TOM1L1: variants seen among roughly 807,000 people sequenced by gnomAD.
The protein encoded by TOM1L1 is TOM1-like protein 1.
In TOM1L1, 64 loss-of-function variants were observed where a neutral mutation model predicts 63.4. The ratio of observed to expected loss-of-function variants is 1.01; its 90% CI spans 0.83 to 1.24. TOM1L1 has a LOEUF of 1.24. TOM1L1 is among the 50% of genes most tolerant of loss of function. The pLI is 0.00. For synonymous variants in TOM1L1, 166 were observed against 194.4 expected, an observed-to-expected ratio of 0.85 and a Z score of 1.22; for missense variants, 536 against 567.0, an observed-to-expected ratio of 0.95 and a Z score of 0.55.
At chr17:54,922,564 T>G (rs1246222331) in intron 7 of TOM1L1, among the ~76,000 whole-genome samples, 2 of 152,092 alleles carry the variant, frequency 1.3e-5, no homozygotes, top group Non-Finnish European at 2.9e-5. Context: ...GATTGCACCA[T>G]TGTTGGGCAA....
chr17:54,923,151 G>T (rs184904429), intron 7 of TOM1L1, among the ~76,000 whole-genome samples: 1 of 152,226 alleles, frequency 6.6e-6, no homozygotes, highest in Admixed American at 6.5e-5. Flanking sequence ...AGACATTTAG[G>T]TTGTTTCCAC....
At chr17:54,936,134 A>G (rs1304559281) in intron 8 of TOM1L1, among the ~76,000 whole-genome samples, 4 of 152,158 alleles carry the variant, frequency 2.6e-5, no homozygotes, top group Non-Finnish European at 5.9e-5. Flanking sequence ...AAAAAAAAAA[A>G]AACCACAGTG....
chr17:54,915,675 C>T, intron 6 of TOM1L1, 71 bp from the exon 7 acceptor site: 2 of 1,057,396 alleles, frequency 1.9e-6, no homozygotes, highest in South Asian at 2.6e-5. Flanking sequence ...GCAAATGTCC[C>T]ATGGGGGCAG....
chr17:54,931,757 C>G (rs555040688), intron 8 of TOM1L1, among the ~76,000 whole-genome samples: 1 of 150,892 alleles, frequency 6.6e-6, no homozygotes, highest in Non-Finnish European at 1.5e-5. Context: ...GATCCAAGAT[C>G]GTGCCACTGC....
Position 54,952,781 on chromosome 17 carries a change from T to C in TOM1L1, c.1370+2655T>C, listed in dbSNP as rs1218030437. 2.0e-5 allele frequency: 3 copies of C among 152,396 alleles called. No individual in the cohort carries two copies. In the East Asian group the frequency reaches 5.8e-4, roughly 29 times the overall value. The allele number at this position is 152,396 out of a possible 1,614,324, so 9.4% of individuals were successfully genotyped here. A position where few individuals can be genotyped will look rare whatever the true frequency, so the allele number is the denominator to read the frequency against. ...AAGGAGTCATATGAGGCCCCAAGTCTGGAACTTCCCCAGGAACTAGGGCCA... is the reference window on the plus strand; with the variant it reads ...AAGGAGTCATATGAGGCCCCAAGTCCGGAACTTCCCCAGGAACTAGGGCCA... On this transcript the variant is annotated intron_variant, in intron 14 of 15. Coordinates refer to ENST00000575882, the MANE Select transcript of TOM1L1 (RefSeq NM_005486.3).
intron 8 of TOM1L1, among the ~76,000 whole-genome samples, chr17:54,932,613 G>A (rs2048882115): frequency 6.6e-6 from 1 of 152,048 alleles, no homozygotes; most frequent in South Asian, 2.1e-4. Flanking sequence ...TAGAAACGGG[G>A]TTTCACCATG....
intron 14 of TOM1L1, among the ~76,000 whole-genome samples, chr17:54,951,412 C>A (rs910720052): frequency 6.6e-6 from 1 of 152,148 alleles, no homozygotes; most frequent in African/African-American, 2.4e-5. Context: ...AGCATTCCTT[C>A]CCCCAGGGTA....
In TOM1L1 at chr17:54,930,188, C is replaced by T. The variant is rs1167767034; in HGVS notation, c.836C>T (p.Ala279Val). The T allele has an allele frequency of 6.2e-7, 1 of 1,614,102 alleles. No individual in the cohort carries two copies. The highest frequency in any genetic ancestry group is 8.5e-7 in the Non-Finnish European group (1 of 1,179,980). ...CAGGTGAATGAGGATTTGAATAATGCTATCCTTGGATATGAGAGGTGAGCA... is the reference window on the plus strand; with the variant it reads ...CAGGTGAATGAGGATTTGAATAATGTTATCCTTGGATATGAGAGGTGAGCA... ...LIQVNEDLNN[A>V]ILGYERFTRN... Residue 279 changes from alanine to valine, a missense_variant, in exon 8 of 16, where the codon GCT becomes GTT. By Grantham distance (64) the Ala-to-Val change is moderately conservative. Transcript: ENST00000575882.
Position 54,936,642 on chromosome 17 carries a change from T to G in TOM1L1, c.855-7T>G. ...TAAAAACACATGCATTTTGATCATT[T>G]AAACAGGTTTACTAGAAACCAACAA... On this transcript the variant is annotated splice_region_variant and splice_polypyrimidine_tract_variant and intron_variant, in intron 8 of 15. Coordinates refer to ENST00000575882, the MANE Select transcript of TOM1L1 (RefSeq NM_005486.3). The G allele has an allele frequency of 6.3e-7, 1 of 1,595,172 alleles. No homozygotes were observed. Among genetic ancestry groups the G allele is most frequent in the Non-Finnish European group, 8.5e-7 (1 of 1,175,252 alleles).
At chr17:54,940,121 C>G (rs2049012271) in intron 11 of TOM1L1, among the ~76,000 whole-genome samples, 1 of 152,142 alleles carries the variant, frequency 6.6e-6, no homozygotes, top group Non-Finnish European at 1.5e-5. Flanking sequence ...GTCTCAAACA[C>G]CTGGGCTCAA....
chr17:54,947,855 A>G (rs981206526), intron 12 of TOM1L1, among the ~76,000 whole-genome samples: 3 of 151,994 alleles, frequency 2.0e-5, no homozygotes, highest in African/African-American at 7.3e-5. Flanking sequence ...TAACCATTCA[A>G]TTTTTGACAA....
intron 9 of TOM1L1, 73 bp downstream of exon 9, chr17:54,936,782 T>C: frequency 7.5e-7 from 1 of 1,335,316 alleles, no homozygotes; most frequent in East Asian, 2.3e-5. Flanking sequence ...AAGGCTTACC[T>C]AAAACAAGTC....
At chr17:54,901,223 G>T (rs1247035270) in intron 1 of TOM1L1, 1 of 450,756 alleles carries the variant, frequency 2.2e-6, no homozygotes, top group Non-Finnish European at 4.0e-6. Context: ...GGGCCTCCAC[G>T]AGGAGACACC....
chr17:54,907,033 A>G (rs1044535123), intron 3 of TOM1L1, among the ~76,000 whole-genome samples: 1 of 152,224 alleles, frequency 6.6e-6, no homozygotes, highest in African/African-American at 2.4e-5. Context: ...GAAAATGGAC[A>G]TCTTGCATAG....
chr17:54,901,110 A>T, intron 1 of TOM1L1, 187 bp downstream of exon 1: 1 of 750,698 alleles, frequency 1.3e-6, no homozygotes, highest in Non-Finnish European at 2.2e-6. Flanking sequence ...TTCTTGGCCA[A>T]CTCACTGTAG....
At chr17:54,954,883 A>T (rs2049414861) in intron 14 of TOM1L1, 1 of 152,270 alleles carries the variant, frequency 6.6e-6, no homozygotes, top group African/African-American at 2.4e-5. Context: ...TTGCAAAAAA[A>T]GTCCAATTGG....
At chr17:54,918,440 T>C (rs1219782475) in intron 7 of TOM1L1, among the ~76,000 whole-genome samples, 1 of 152,024 alleles carries the variant, frequency 6.6e-6, no homozygotes, top group Non-Finnish European at 1.5e-5. Context: ...CGCTCAGGTG[T>C]GTAGGGATGA....
At chr17:54,934,084 A>G (rs72829494) in intron 8 of TOM1L1, among the ~76,000 whole-genome samples, 6,994 of 152,284 alleles carry the variant, frequency 0.046, 249 homozygotes, top group Non-Finnish European at 0.07. Context: ...GCACTTCTAC[A>G]TAAGCAGTAG....
rs776677263 is a variant in TOM1L1 at position 54,915,912 on chromosome 17, TC to T, written c.720+51del. 16 of 1,435,138 alleles carry T rather than the reference TC, an allele frequency of 1.1e-5. No homozygotes were observed. The Admixed American group carries it at 2.8e-4, about 25-fold the overall frequency. 88.9% of individuals were successfully genotyped at this position (1,435,138 alleles called of 1,614,324 possible). A position where few individuals can be genotyped will look rare whatever the true frequency, so the allele number is the denominator to read the frequency against. ...CAGTCAAAGTGTCTCTTAAAGTTAT[TC>T]TCTAAACTTTGAGTTTGGAGATGGA... On this transcript the variant is annotated intron_variant, in intron 7 of 15. Transcript: ENST00000575882.
Sources: allele counts gnomAD v4.1 joint callset (sites outside exome capture counted in the v4.1 genomes callset), GRCh38; gene constraint gnomAD v4.1.1; transcripts MANE v1.5; gene names NCBI Gene and HGNC (gene_info 2026-07-23, HGNC 2026-07-21).